MARCHF1: variants seen among roughly 807,000 people sequenced by gnomAD.
The protein encoded by MARCHF1 is membrane associated ring-CH-type finger 1.
In MARCHF1, 40 loss-of-function variants were observed where a neutral mutation model predicts 54.2. The ratio of observed to expected loss-of-function variants is 0.74; its 90% CI spans 0.57 to 0.96. The LOEUF is 0.96. Ranked by LOEUF, MARCHF1 falls within the 40% of genes least tolerant of loss-of-function variation. The probability of loss-of-function intolerance (pLI) is 0.00; values close to 1 mark genes in which losing one functional copy is unlikely to be tolerated. For synonymous variants in MARCHF1, 236 were observed against 236.3 expected (o/e 1.00, Z 0.01); for missense variants, 586 against 656.5 (o/e 0.89, Z 1.17).
intron 1 of MARCHF1, among the ~76,000 whole-genome samples, chr4:164,140,881 A>G (rs1047952146): frequency 1.1e-4 from 16 of 152,126 alleles, no homozygotes; most frequent in Non-Finnish European, 2.1e-4. Context: ...TCCTTACTCA[A>G]CTAACCTGAA....
intron 2 of MARCHF1, among the ~76,000 whole-genome samples, chr4:164,088,025 T>C (rs745779464): frequency 6.6e-6 from 1 of 151,990 alleles, no homozygotes; most frequent in Non-Finnish European, 1.5e-5. Flanking sequence ...TTCATACATA[T>C]GAATGAGTAT....
At chr4:163,835,933 C>T (rs1749168730) in intron 4 of MARCHF1, among the ~76,000 whole-genome samples, 2 of 151,952 alleles carry the variant, frequency 1.3e-5, no homozygotes, top group East Asian at 3.9e-4. Flanking sequence ...CTTGAAATGT[C>T]TTCATCTCAG....
At chr4:164,173,250 A>C (rs747908487) in intron 1 of MARCHF1, among the ~76,000 whole-genome samples, 8 of 152,102 alleles carry the variant, frequency 5.3e-5, no homozygotes, top group Non-Finnish European at 1.0e-4. Context: ...GGCAAATATA[A>C]TTTATTTAAA....
chr4:163,733,820 G>A (rs1745952884), intron 4 of MARCHF1, among the ~76,000 whole-genome samples: 1 of 152,008 alleles, frequency 6.6e-6, no homozygotes, highest in Non-Finnish European at 1.5e-5. Context: ...ATAAGCAACT[G>A]GCTTTTATCA....
At chr4:164,158,350 A>G (rs1730132380) in intron 1 of MARCHF1, among the ~76,000 whole-genome samples, 1 of 152,082 alleles carries the variant, frequency 6.6e-6, no homozygotes, top group African/African-American at 2.4e-5. Context: ...GAATATGGAG[A>G]GTGATAAAAG....
intron 1 of MARCHF1, among the ~76,000 whole-genome samples, chr4:164,199,915 T>C (rs1197763484): frequency 6.6e-6 from 1 of 152,184 alleles, no homozygotes; most frequent in Admixed American, 6.5e-5. Flanking sequence ...TCTAACTGTG[T>C]GCTCCAGCAA....
At chr4:163,978,050 G>A (rs955061954) in intron 3 of MARCHF1, among the ~76,000 whole-genome samples, 2 of 152,040 alleles carry the variant, frequency 1.3e-5, no homozygotes, top group African/African-American at 2.4e-5. Context: ...CATGTATTTC[G>A]CTATAAATTC....
intron 3 of MARCHF1, among the ~76,000 whole-genome samples, chr4:163,932,278 T>C (rs977162254): frequency 1.3e-5 from 2 of 152,144 alleles, no homozygotes; most frequent in Admixed American, 1.3e-4. Flanking sequence ...ACAATGAGAT[T>C]TGCCACATTG....
chr4:163,673,944 A>G (rs555520532), intron 5 of MARCHF1, among the ~76,000 whole-genome samples: 1 of 152,336 alleles, frequency 6.6e-6, no homozygotes, highest in Non-Finnish European at 1.5e-5. Flanking sequence ...TAGGAATATG[A>G]ATTCCACGAG....
rs975250318 is a variant in MARCHF1, at chr4:163,528,149, A to G, written c.*599T>C. ...ATTAATTCCAAATATCAATGTCTTC[A>G]AATGTATATTGCATCTATTTAAAAA... On this transcript the variant is annotated 3_prime_UTR_variant, in exon 10 of 10. Transcript: ENST00000514618. 4.6e-5 allele frequency: 7 copies of G among 152,564 alleles called. No individual in the cohort carries two copies. Among genetic ancestry groups the G allele is most frequent in the African/African-American group, 1.7e-4 (7 of 41,434 alleles). The allele number at this position is 152,564 out of a possible 1,614,324, so 9.5% of individuals were successfully genotyped here.
At chr4:164,058,156 G>A (rs1215041332) in intron 2 of MARCHF1, among the ~76,000 whole-genome samples, 1 of 152,068 alleles carries the variant, frequency 6.6e-6, no homozygotes, top group Admixed American at 6.6e-5. Flanking sequence ...AACATTAGGA[G>A]AAATACCTAA....
At chr4:164,328,652 C>A (rs1318446749) in intron 1 of MARCHF1, among the ~76,000 whole-genome samples, 1 of 152,006 alleles carries the variant, frequency 6.6e-6, no homozygotes, top group Admixed American at 6.5e-5. Context: ...GCCTCAGCCT[C>A]CCCAGCAGCT....
At position 164,065,874 on chromosome 4, in the gene MARCHF1, T is replaced by C. The variant is rs13117068; in HGVS notation, c.-248+45714A>G. Among the ~76,000 whole-genome samples, 7 of 152,026 alleles carry C rather than the reference T, an allele frequency of 4.6e-5. No homozygotes were observed. The East Asian group carries it at 1.4e-3, about 29-fold the overall frequency. On this transcript the variant is annotated intron_variant, in intron 2 of 9. Coordinates refer to ENST00000514618, the MANE Select transcript of MARCHF1 (RefSeq NM_001394959.1). ...AAGGAAGTATCCGGTGTGGGAAAAA[T>C]ATAAGAGCCAGAAGATTCAGCAAGC...
At chr4:164,013,133 A>G (rs112778703) in intron 2 of MARCHF1, among the ~76,000 whole-genome samples, 44 of 152,308 alleles carry the variant, frequency 2.9e-4, no homozygotes, top group African/African-American at 1.0e-3. Flanking sequence ...GAGGAAGTTC[A>G]ATAAATTTCA....
At chr4:163,689,796 C>T (rs558074214) in intron 5 of MARCHF1, among the ~76,000 whole-genome samples, 8 of 152,098 alleles carry the variant, frequency 5.3e-5, no homozygotes, top group African/African-American at 1.7e-4. Flanking sequence ...TTAAAATACA[C>T]GATATCCTAA....
intron 8 of MARCHF1, among the ~76,000 whole-genome samples, chr4:163,559,047 G>T (rs1481826339): frequency 6.6e-6 from 1 of 152,022 alleles, no homozygotes; most frequent in African/African-American, 2.4e-5. Flanking sequence ...TTGATCCTTT[G>T]ATTATATTTT....
intron 4 of MARCHF1, among the ~76,000 whole-genome samples, chr4:163,850,249 T>A (rs1032839925): frequency 6.6e-6 from 1 of 152,176 alleles, no homozygotes; most frequent in Non-Finnish European, 1.5e-5. Context: ...GGGTCCTAGA[T>A]CCACAGGATC....
intron 7 of MARCHF1, among the ~76,000 whole-genome samples, chr4:163,607,906 T>C (rs1404330584): frequency 1.3e-5 from 2 of 152,144 alleles, no homozygotes; most frequent in Admixed American, 1.3e-4. Context: ...CCTCCAGTTG[T>C]CACTGATGCT....
chr4:164,186,302 T>G (rs1730968848), intron 1 of MARCHF1, among the ~76,000 whole-genome samples: 2 of 152,190 alleles, frequency 1.3e-5, no homozygotes, highest in South Asian at 4.1e-4. Context: ...AAAAATTGTG[T>G]CAACTAATCA....
Sources: gnomAD v4.1 joint callset for allele counts (sites outside exome capture counted in the v4.1 genomes callset) on GRCh38, gnomAD v4.1.1 for gene constraint, MANE v1.5 for transcripts, NCBI Gene and HGNC (gene_info 2026-07-23, HGNC 2026-07-21) for gene names.